The following BICC1 variants were observed in gnomAD, a reference collection of about 807,000 sequenced individuals.
BICC1 encodes protein bicaudal C homolog 1.
Under a neutral mutation model 111.0 loss-of-function variants are expected in BICC1, and 43 were observed. That is an observed-to-expected ratio of 0.39 (90% confidence interval 0.30 to 0.50). The LOEUF (loss-of-function observed/expected upper bound fraction) is 0.50, where lower values mean the gene tolerates loss of function less well. Ranked by LOEUF, BICC1 falls within the 20% of genes least tolerant of loss-of-function variation. The probability of loss-of-function intolerance (pLI) is 0.88; values close to 1 mark genes in which losing one functional copy is unlikely to be tolerated. For missense variants in BICC1, 1,091 were observed against 1,203.2 expected (o/e 0.91, Z 1.38); for synonymous variants, 467 against 434.4 (o/e 1.07, Z -0.93).
chr10:58,786,038 T>C (rs1421871472), intron 4 of BICC1, among the ~76,000 whole-genome samples: 1 of 152,214 alleles, frequency 6.6e-6, no homozygotes, highest in Non-Finnish European at 1.5e-5. Flanking sequence ...CTGAAAGAAC[T>C]AAACTTAAAA....
chr10:58,663,090 G>A (rs1252038822), intron 2 of BICC1, among the ~76,000 whole-genome samples: 9 of 126,640 alleles, frequency 7.1e-5, no homozygotes, highest in East Asian at 2.3e-4. Context: ...TTTTTGAGAC[G>A]GAGTCTTACT....
chr10:58,775,611 G>T (rs1842729938), intron 3 of BICC1, among the ~76,000 whole-genome samples: 1 of 152,128 alleles, frequency 6.6e-6, no homozygotes, highest in Admixed American at 6.5e-5. Context: ...TGAGAGATTA[G>T]GATCCTTCAT....
intron 2 of BICC1, among the ~76,000 whole-genome samples, chr10:58,695,434 G>A (rs1037519581): frequency 5.9e-5 from 9 of 152,106 alleles, no homozygotes; most frequent in Non-Finnish European, 1.2e-4. Context: ...CAAATTAGTT[G>A]GTCTTTTAGA....
rs1842345536 is a variant in BICC1 at position 58,519,902 on chromosome 10, ATTATC to A, written c.190+6573_190+6577del. On this transcript the variant is annotated intron_variant, in intron 1 of 20. Coordinates refer to ENST00000373886, the MANE Select transcript of BICC1 (RefSeq NM_001080512.3). The stretch of plus-strand genomic sequence containing the variant: ...AATAAAAATGCTTATTTCACTTTTT[ATTATC>A]TTAAGATATCTTTTCTGTCCTCCCT... 2.1e-5 allele frequency among the ~76,000 whole-genome samples: 3 copies of A among 144,770 alleles called. No individual in the cohort carries two copies. The East Asian group carries it at 5.8e-4, about 28-fold the overall frequency. The allele number at this position is 144,770 out of a possible 152,430, so 95.0% of individuals were successfully genotyped here.
chr10:58,823,735 T>C, intron 20 of BICC1: 1 of 985,342 alleles, frequency 1.0e-6, no homozygotes, highest in South Asian at 4.7e-5. Flanking sequence ...TATTCCCCCG[T>C]GAGAAAATGG....
intron 1 of BICC1, among the ~76,000 whole-genome samples, chr10:58,613,801 T>C (rs1192188577): frequency 6.6e-6 from 1 of 152,192 alleles, no homozygotes; most frequent in African/African-American, 2.4e-5. Flanking sequence ...TGGCTTAATC[T>C]CACCAGTTAG....
chr10:58,592,231 T>C (rs1844643282), intron 1 of BICC1, among the ~76,000 whole-genome samples: 1 of 152,220 alleles, frequency 6.6e-6, no homozygotes, highest in Non-Finnish European at 1.5e-5. Flanking sequence ...CGAGTATTAC[T>C]TTTGGCTAAA....
intron 2 of BICC1, among the ~76,000 whole-genome samples, chr10:58,673,044 G>A (rs1839229519): frequency 6.6e-6 from 1 of 152,170 alleles, no homozygotes; most frequent in Non-Finnish European, 1.5e-5. Context: ...TAGGACATCT[G>A]TGTGTTTGTC....
intron 17 of BICC1, among the ~76,000 whole-genome samples, chr10:58,810,978 C>T (rs1361841298): frequency 2.6e-5 from 4 of 152,142 alleles, no homozygotes; most frequent in Admixed American, 2.6e-4. Context: ...AGGCAAGAAT[C>T]TGATACTTCA....
intron 2 of BICC1, among the ~76,000 whole-genome samples, chr10:58,667,485 GGA>G (rs369568370): frequency 1 from 152,093 of 152,096 alleles, 76,045 homozygotes; most frequent in Middle Eastern, 1. Flanking sequence ...CAGGGTTCAA[GGA>G]ATTCTTATAT....
chr10:58,800,344 T>G lies in BICC1; in HGVS notation c.1858+18T>G, dbSNP rs759874489. On this transcript the variant is annotated intron_variant, in intron 13 of 20. Transcript: ENST00000373886. ...CACTGAAGGTCGGGAACTGTACCCT[T>G]CTGAAATTCATTTTGGTTGTTATTT... is the stretch of plus-strand genomic sequence containing the variant. The G allele has an allele frequency of 1.0e-5, 16 of 1,607,358 alleles. No homozygotes were observed. Among genetic ancestry groups the G allele is most frequent in the Non-Finnish European group, 1.3e-5 (15 of 1,176,528 alleles).
chr10:58,793,453 C>T, intron 8 of BICC1, 31 bp from the exon 9 acceptor site: 2 of 1,589,274 alleles, frequency 1.3e-6, no homozygotes, highest in Non-Finnish European at 1.7e-6. Context: ...AAATTTTTAC[C>T]TCCTACACAT....
chr10:58,771,347 A>G (rs762983911), intron 3 of BICC1, among the ~76,000 whole-genome samples: 1 of 152,214 alleles, frequency 6.6e-6, no homozygotes, highest in Admixed American at 6.5e-5. Flanking sequence ...ATAGTTATCT[A>G]ATGCTTGTGT....
intron 3 of BICC1, among the ~76,000 whole-genome samples, chr10:58,707,988 C>CCTG (rs1840442624): frequency 7.3e-6 from 1 of 136,840 alleles, no homozygotes; most frequent in Admixed American, 7.5e-5. Flanking sequence ...TGAGCCACCG[C>CCTG]GCCTAGCCAG....
chr10:58,827,232 A>G (rs72804453), intron 20 of BICC1, among the ~76,000 whole-genome samples: 2,961 of 152,326 alleles, frequency 0.019, 81 homozygotes, highest in African/African-American at 0.056. Context: ...AGGTTGTAGA[A>G]GAGAACCCAG....
intron 1 of BICC1, among the ~76,000 whole-genome samples, chr10:58,589,896 C>T (rs769105296): frequency 3.9e-5 from 6 of 152,032 alleles, no homozygotes; most frequent in Non-Finnish European, 7.4e-5. Context: ...GCCTTGAACT[C>T]GTGGCCTCAA....
intron 2 of BICC1, among the ~76,000 whole-genome samples, chr10:58,689,760 C>T (rs1229026892): frequency 2.6e-5 from 4 of 152,194 alleles, no homozygotes; most frequent in South Asian, 2.1e-4. Flanking sequence ...GAACAGTCCA[C>T]GGTGGTGTAA....
intron 3 of BICC1, among the ~76,000 whole-genome samples, chr10:58,780,402 A>G (rs1395371440): frequency 6.6e-6 from 1 of 152,208 alleles, no homozygotes; most frequent in East Asian, 1.9e-4. Context: ...CTAAATGTAC[A>G]TGCCGAGGGT....
chr10:58,647,492 A>C (rs938197719), intron 2 of BICC1, among the ~76,000 whole-genome samples: 9 of 152,186 alleles, frequency 5.9e-5, no homozygotes, highest in African/African-American at 1.9e-4. Flanking sequence ...AATACCATAA[A>C]ATGCTACTTA....
Sources: allele counts gnomAD v4.1 joint callset (sites outside exome capture counted in the v4.1 genomes callset), GRCh38; gene constraint gnomAD v4.1.1; transcripts MANE v1.5; gene names NCBI Gene and HGNC (gene_info 2026-07-23, HGNC 2026-07-21).